The following DOP1A variants were observed in gnomAD, a reference collection of about 807,000 sequenced individuals.
DOP1A encodes the protein DOP1 leucine zipper like protein A, also known as protein DOP1A.
Under a neutral mutation model 267.6 loss-of-function variants are expected in DOP1A, and 90 were observed. The observed-to-expected ratio is 0.34, with a 90% confidence interval of 0.28 to 0.40. The LOEUF is 0.40. Ranked by LOEUF, DOP1A falls within the 10% of genes least tolerant of loss-of-function variation. DOP1A has a pLI of 1.00. For missense variants in DOP1A, 2,437 were observed against 2,900.4 expected, an observed-to-expected ratio of 0.84 and a Z score of 3.67; for synonymous variants, 932 against 999.1, an observed-to-expected ratio of 0.93 and a Z score of 1.27.
At chr6:83,131,568 A>T (rs1009901399) in intron 17 of DOP1A, among the ~76,000 whole-genome samples, 1 of 152,200 alleles carries the variant, frequency 6.6e-6, no homozygotes, top group Non-Finnish European at 1.5e-5. Context: ...TATCTTATTA[A>T]GGATAGTTTA....
chr6:83,083,121 T>G (rs989977086), intron 1 of DOP1A, among the ~76,000 whole-genome samples: 1 of 152,116 alleles, frequency 6.6e-6, no homozygotes, highest in Non-Finnish European at 1.5e-5. Flanking sequence ...AACCCACTCT[T>G]TTATAGATAA....
intron 1 of DOP1A, among the ~76,000 whole-genome samples, chr6:83,092,422 G>T (rs1000590880): frequency 8.5e-5 from 13 of 152,084 alleles, no homozygotes; most frequent in Non-Finnish European, 1.5e-4. Flanking sequence ...TTAATTTGAT[G>T]TGCAAGGTTA....
intron 14 of DOP1A, 62 bp downstream of exon 14, chr6:83,125,257 T>G (rs1776978136): frequency 6.8e-7 from 1 of 1,474,040 alleles, no homozygotes; most frequent in Non-Finnish European, 9.2e-7. Context: ...TATTATAATT[T>G]TAGTAATGTA....
At chr6:83,072,902 A>G (rs972072648) in intron 1 of DOP1A, 2 of 265,094 alleles carry the variant, frequency 7.5e-6, no homozygotes, top group African/African-American at 2.3e-5. Context: ...TGGCTTTTCC[A>G]TACATGCTTA....
Position 83,138,250 on chromosome 6 carries a change from T to C in DOP1A, c.4208T>C (p.Ile1403Thr). ...KTNPIAFVNA[I>T]STTSVNNAYT... ...AACCCTATAGCTTTTGTAAATGCCA[T>C]TTCAACTACTAGTGTAAATAATGCA... The change falls in exon 21 of 39, where the codon ATT becomes ACT. Residue 1403 changes from isoleucine to threonine, a missense_variant. This residue lies in a region of DOP1A where 878 missense variants were observed against 992.9 expected (regional missense o/e 0.88). Transcript: ENST00000349129. 3 of 1,613,394 alleles carry C rather than the reference T, an allele frequency of 1.9e-6. No individual in the cohort carries two copies. The highest frequency in any genetic ancestry group is 2.5e-6 in the Non-Finnish European group (3 of 1,179,912).
intron 15 of DOP1A, 99 bp from the exon 16 acceptor site, chr6:83,128,788 G>A: frequency 7.3e-7 from 1 of 1,378,832 alleles, no homozygotes; most frequent in African/African-American, 1.4e-5. Flanking sequence ...GGCAGATTAA[G>A]TTGTGAATAG....
At chr6:83,132,767 A>G (rs1470914361) in intron 18 of DOP1A, among the ~76,000 whole-genome samples, 1 of 152,202 alleles carries the variant, frequency 6.6e-6, no homozygotes. Flanking sequence ...TATTATTTGT[A>G]TTATTATACT....
rs746034726 is a variant in DOP1A, at chr6:83,137,629, T to C, written c.3587T>C (p.Ile1196Thr). 4 of 1,613,688 alleles carry C rather than the reference T, an allele frequency of 2.5e-6. No individual in the cohort carries two copies. Among genetic ancestry groups the C allele is most frequent in the Non-Finnish European group, 1.7e-6 (2 of 1,179,834 alleles). Reference protein sequence around the residue: ...DIDPDEETIKIEDDSIQQSQN... With the variant: ...DIDPDEETIKTEDDSIQQSQN... ...GATCCAGATGAAGAGACGATTAAAA[T>C]TGAAGATGACTCCATTCAACAGAGT... The change falls in exon 21 of 39, where the codon ATT becomes ACT. Residue 1196 changes from isoleucine to threonine, a missense_variant. Physicochemically the swap from Ile to Thr is moderately conservative, Grantham distance 89 (BLOSUM62 -1). Around this residue, in one of 9 missense-constraint regions of DOP1A, gnomAD observed 878 missense variants for 992.9 expected, o/e 0.88. Coordinates refer to ENST00000349129, the MANE Select transcript of DOP1A (RefSeq NM_015018.4).
At position 83,158,440 on chromosome 6, in the gene DOP1A, TA is replaced by T; in HGVS notation, c.6742-125del. 3 of 764,900 alleles carry T rather than the reference TA, an allele frequency of 3.9e-6. No individual in the cohort carries two copies. The Admixed American group carries it at 8.6e-5, about 22-fold the overall frequency. The allele number at this position is 764,900 out of a possible 1,614,324, so 47.4% of individuals were successfully genotyped here. A position where few individuals can be genotyped will look rare whatever the true frequency, so the allele number is the denominator to read the frequency against. On this transcript the variant is annotated intron_variant, in intron 35 of 38. Coordinates refer to ENST00000349129, the MANE Select transcript of DOP1A (RefSeq NM_015018.4). ...CAGTTTTACCTTCAGAAACTAAGTATAATTTAAAAGATTCTGAAAATGTATT... is the reference window on the plus strand; with the variant it reads ...CAGTTTTACCTTCAGAAACTAAGTATATTTAAAAGATTCTGAAAATGTATT...
At chr6:83,163,110 T>G (rs1394838924) in intron 38 of DOP1A, among the ~76,000 whole-genome samples, 191 bp downstream of exon 38, 1 of 152,142 alleles carries the variant, frequency 6.6e-6, no homozygotes, top group African/African-American at 2.4e-5. Context: ...TCGTATGTAT[T>G]TTAAAGGAAT....
Position 83,129,008 on chromosome 6 carries a change from A to G in DOP1A, c.1841A>G (p.Asp614Gly), listed in dbSNP as rs756322268. The G allele has an allele frequency of 2.0e-5, 33 of 1,613,488 alleles. No homozygotes were observed. Among genetic ancestry groups the G allele is most frequent in the Non-Finnish European group, 2.6e-5 (31 of 1,179,788 alleles). Reference protein sequence around the residue: ...EFIQYQADRTDDIDRELSEGQ... With the variant: ...EFIQYQADRTGDIDRELSEGQ... ...ATACAATATCAAGCAGACCGAACTG[A>G]TGATATTGACAGAGAACTGAGTGAG... The change falls in exon 16 of 39, where the codon GAT (aspartate) becomes GGT (glycine). Residue 614 changes from aspartate to glycine, a missense_variant. Asp to Gly is a moderately conservative substitution (Grantham distance 94). Coordinates refer to ENST00000349129, the MANE Select transcript of DOP1A (RefSeq NM_015018.4).
In DOP1A at chr6:83,168,191, C is replaced by T; in HGVS notation, c.*24C>T. 2 of 1,592,510 alleles carry T rather than the reference C, an allele frequency of 1.3e-6. No homozygotes were observed. Among genetic ancestry groups the T allele is most frequent in the Non-Finnish European group, 1.7e-6 (2 of 1,171,468 alleles). ...GAGCACCATTGCTGGTTCCATTTAGCTTACATGTAAATGTAATTATTTAAA... is the reference window on the plus strand; with the variant it reads ...GAGCACCATTGCTGGTTCCATTTAGTTTACATGTAAATGTAATTATTTAAA... On this transcript the variant is annotated 3_prime_UTR_variant, in exon 39 of 39. Transcript: ENST00000349129.
At chr6:83,156,762 T>C (rs1782886521) in intron 34 of DOP1A, among the ~76,000 whole-genome samples, 1 of 152,204 alleles carries the variant, frequency 6.6e-6, no homozygotes, top group Admixed American at 6.5e-5. Context: ...AGAAGACAAA[T>C]GATTCCTTGT....
chr6:83,128,087 G>A (rs1361011096), intron 15 of DOP1A, among the ~76,000 whole-genome samples: 5 of 152,172 alleles, frequency 3.3e-5, no homozygotes, highest in South Asian at 2.1e-4. Flanking sequence ...TCAAGGAAAA[G>A]TGTCATTCAC....
In DOP1A at chr6:83,147,151, G is replaced by T; in HGVS notation, c.5677-85G>T. 5.6e-6 allele frequency: 3 copies of T among 535,138 alleles called. No homozygotes were observed. The South Asian group carries it at 1.5e-4, about 26-fold the overall frequency. 33.1% of individuals were successfully genotyped at this position (535,138 alleles called of 1,614,324 possible). On this transcript the variant is annotated intron_variant, in intron 25 of 38. Coordinates refer to ENST00000349129, the MANE Select transcript of DOP1A (RefSeq NM_015018.4). ...TTTCAATTTTTTTAATTAAAAATTG[G>T]CAGTAAGATACAGAGTAGTTGCAAC...
Position 83,138,552 on chromosome 6 carries a change from A to G in DOP1A, c.4510A>G (p.Ile1504Val), listed in dbSNP as rs1779172858. 4 of 1,613,780 alleles carry G rather than the reference A, an allele frequency of 2.5e-6. No homozygotes were observed. The highest frequency in any genetic ancestry group is 2.5e-6 in the Non-Finnish European group (3 of 1,179,954). Residue 1504 changes from isoleucine (I) to valine (V), a missense_variant, in exon 21 of 39, where the codon ATA (isoleucine) becomes GTA (valine). By Grantham distance (29) the Ile-to-Val change is conservative (BLOSUM62 3). This residue lies in a region of DOP1A where 878 missense variants were observed against 992.9 expected (regional missense o/e 0.88). Transcript: ENST00000349129. ...TLLFTELAKV[I>V]ESSAKGFPSF... ...ACTCTTCACTGAGCTGGCAAAAGTA[A>G]TAGAAAGCTCAGCGAAGGGTTTCCC...
intron 34 of DOP1A, 61 bp from the exon 35 acceptor site, chr6:83,157,121 A>G: frequency 1.3e-6 from 2 of 1,548,194 alleles, no homozygotes; most frequent in Non-Finnish European, 1.8e-6. Context: ...GACCGACAAT[A>G]TAGAAAGTTT....
intron 4 of DOP1A, among the ~76,000 whole-genome samples, chr6:83,107,930 T>G (rs1773913853): frequency 6.6e-6 from 1 of 152,208 alleles, no homozygotes; most frequent in African/African-American, 2.4e-5. Context: ...CAGAGATATG[T>G]AGTAGCCATT....
chr6:83,088,965 T>C (rs770904038), intron 1 of DOP1A, among the ~76,000 whole-genome samples: 1 of 152,238 alleles, frequency 6.6e-6, no homozygotes, highest in African/African-American at 2.4e-5. Context: ...ATAGCTTTTT[T>C]TCCGATGTTC....
Sources: allele counts gnomAD v4.1 joint callset (sites outside exome capture counted in the v4.1 genomes callset), GRCh38; gene constraint gnomAD v4.1.1; regional missense constraint gnomAD v4.1.1; transcripts MANE v1.5; gene names NCBI Gene and HGNC (gene_info 2026-07-23, HGNC 2026-07-21).